Variants in B3GAT2 observed in about 807,000 individuals in gnomAD.
B3GAT2 encodes beta-1,3-glucuronyltransferase 2.
In B3GAT2, 26 loss-of-function variants were observed where a neutral mutation model predicts 27.8. That is an observed-to-expected ratio of 0.93 (90% confidence interval 0.68 to 1.30). The LOEUF (loss-of-function observed/expected upper bound fraction) is 1.30. Among genes scored for constraint, B3GAT2 ranks in the 50% most tolerant of loss-of-function variants. The pLI, the probability that B3GAT2 is intolerant of heterozygous loss-of-function variation, is 0.00. For synonymous variants in B3GAT2, 218 were observed against 195.1 expected (o/e 1.12, Z -0.98); for missense variants, 458 against 459.0 (o/e 1.00, Z 0.02).
intron 1 of B3GAT2, among the ~76,000 whole-genome samples, chr6:70,928,023 A>C (rs1772992955): frequency 6.6e-6 from 1 of 152,246 alleles, no homozygotes; most frequent in South Asian, 2.1e-4. Flanking sequence ...ACTCAGAATT[A>C]AGAAACTCAT....
At chr6:70,951,606 G>A (rs1361316093) in intron 1 of B3GAT2, among the ~76,000 whole-genome samples, 2 of 152,050 alleles carry the variant, frequency 1.3e-5, no homozygotes, top group Non-Finnish European at 1.5e-5. Context: ...TGTTATTTCT[G>A]GTCCATTAAA....
At chr6:70,896,109 G>A (rs652465) in intron 1 of B3GAT2, among the ~76,000 whole-genome samples, 111,096 of 152,024 alleles carry the variant, frequency 0.73, 40,741 homozygotes, top group African/African-American at 0.81. Flanking sequence ...GAACTCTTGA[G>A]TCTTAAGTGG....
At chr6:70,922,592 T>C (rs768406554) in intron 1 of B3GAT2, among the ~76,000 whole-genome samples, 1 of 151,972 alleles carries the variant, frequency 6.6e-6, no homozygotes, top group Non-Finnish European at 1.5e-5. Context: ...ATTTTTAAAA[T>C]GAACAAATAA....
chr6:70,921,965 A>C (rs1023919954), intron 1 of B3GAT2, among the ~76,000 whole-genome samples: 1 of 152,046 alleles, frequency 6.6e-6, no homozygotes, highest in Non-Finnish European at 1.5e-5. Flanking sequence ...AAGCTGCTGC[A>C]CTCTGGGGGC....
In B3GAT2 at chr6:70,928,385, C is replaced by A. The variant is rs139392433; in HGVS notation, c.591+27454G>T. On this transcript the variant is annotated intron_variant, in intron 1 of 3. Coordinates refer to ENST00000230053, the MANE Select transcript of B3GAT2 (RefSeq NM_080742.3). ...CACAAAAAAAAAAACTTCAAAAAAT[C>A]AATGAATCTAGGAATTGGTTTTTTG... Among the ~76,000 whole-genome samples the A allele has an allele frequency of 5.6e-3, 845 of 151,368 alleles. 22 individuals are homozygous for A. The highest frequency in any genetic ancestry group is 0.039 in the Admixed American group (588 of 15,184).
intron 1 of B3GAT2, among the ~76,000 whole-genome samples, chr6:70,898,805 G>A (rs1772437537): frequency 6.6e-6 from 1 of 151,926 alleles, no homozygotes; most frequent in African/African-American, 2.4e-5. Context: ...TTACATATGG[G>A]CCCATTAGCC....
At chr6:70,948,258 G>T (rs1195691094) in intron 1 of B3GAT2, among the ~76,000 whole-genome samples, 1 of 147,548 alleles carries the variant, frequency 6.8e-6, no homozygotes, top group Admixed American at 6.8e-5. Context: ...AGGAGATAAA[G>T]GGTATTCAAT....
At chr6:70,943,401 T>C (rs368991024) in intron 1 of B3GAT2, among the ~76,000 whole-genome samples, 1 of 152,174 alleles carries the variant, frequency 6.6e-6, no homozygotes, top group East Asian at 1.9e-4. Context: ...CTCAGCCACA[T>C]TGGCTTCAGC....
At chr6:70,896,127 T>C (rs1401808571) in intron 1 of B3GAT2, among the ~76,000 whole-genome samples, 1 of 152,148 alleles carries the variant, frequency 6.6e-6, no homozygotes, top group Non-Finnish European at 1.5e-5. Context: ...TGGGTTTCCC[T>C]GGGTATAATC....
chr6:70,928,912 T>C (rs1005575969), intron 1 of B3GAT2, among the ~76,000 whole-genome samples: 1 of 152,226 alleles, frequency 6.6e-6, no homozygotes, highest in Non-Finnish European at 1.5e-5. Context: ...CATGCACATG[T>C]ATGTTTATTG....
chr6:70,954,644 A>T (rs1360711856), intron 1 of B3GAT2, among the ~76,000 whole-genome samples: 7 of 152,128 alleles, frequency 4.6e-5, no homozygotes, highest in African/African-American at 1.4e-4. Flanking sequence ...CACACATAGT[A>T]TTTTCCCAAT....
intron 1 of B3GAT2, among the ~76,000 whole-genome samples, chr6:70,897,386 T>C (rs1772405596): frequency 6.6e-6 from 1 of 152,210 alleles, no homozygotes; most frequent in Admixed American, 6.5e-5. Context: ...TTAATCTTAA[T>C]GAAGTCCAAT....
chr6:70,945,897 AAG>A (rs1426618054), intron 1 of B3GAT2, among the ~76,000 whole-genome samples: 1 of 151,872 alleles, frequency 6.6e-6, no homozygotes, highest in Non-Finnish European at 1.5e-5. Context: ...TACAAGCCAG[AAG>A]AGAGTGGGGG....
At chr6:70,887,514 C>T (rs1424914004) in intron 2 of B3GAT2, among the ~76,000 whole-genome samples, 1 of 152,130 alleles carries the variant, frequency 6.6e-6, no homozygotes, top group Admixed American at 6.5e-5. Context: ...TCACTCAGCC[C>T]CACTCACAGG....
chr6:70,956,067 C>T lies in B3GAT2; in HGVS notation c.363G>A (p.Ala121=). 6.3e-7 allele frequency: 1 copy of T among 1,589,310 alleles called. No individual in the cohort carries two copies. Among genetic ancestry groups the T allele is most frequent in the Non-Finnish European group, 8.5e-7 (1 of 1,172,218 alleles). The part of the protein sequence containing the change: ...LHWILVEDAA[A]RSELVSRFLA... ...GGAAGCGGCTCACCAGCTCGCTGCG[C>T]GCCGCCGCGTCCTCCACCAGGATCC... Residue 121 remains alanine, a synonymous_variant, in exon 1 of 4, where the codon GCG becomes GCA. Transcript: ENST00000230053.
chr6:70,947,668 A>C (rs1000363105), intron 1 of B3GAT2, among the ~76,000 whole-genome samples: 3 of 151,272 alleles, frequency 2.0e-5, no homozygotes, highest in Admixed American at 6.6e-5. Flanking sequence ...AGGAACTGGT[A>C]CCATTCCTTC....
chr6:70,895,683 G>C (rs112577453), intron 1 of B3GAT2, among the ~76,000 whole-genome samples: 1 of 151,470 alleles, frequency 6.6e-6, no homozygotes, highest in African/African-American at 2.4e-5. Context: ...TCCAAAGAGG[G>C]GATTTAAGGG....
At chr6:70,884,069 G>A (rs1772141107) in intron 2 of B3GAT2, among the ~76,000 whole-genome samples, 2 of 145,410 alleles carry the variant, frequency 1.4e-5, no homozygotes, top group Non-Finnish European at 3.0e-5. Flanking sequence ...TTACTCCTGG[G>A]TGCACTTCGG....
At chr6:70,862,129 T>TATTA (rs887448198) in intron 2 of B3GAT2, 151 bp from the exon 3 acceptor site, 5 of 672,272 alleles carry the variant, frequency 7.4e-6, no homozygotes, top group African/African-American at 7.2e-5. Context: ...ACATTACCTG[T>TATTA]ATTACAGTCT....
Sources: allele counts gnomAD v4.1 joint callset (sites outside exome capture counted in the v4.1 genomes callset), GRCh38; gene constraint gnomAD v4.1.1; transcripts MANE v1.5; gene names NCBI Gene and HGNC (gene_info 2026-07-23, HGNC 2026-07-21).